Variants in PAX6 observed in about 807,000 individuals in gnomAD.
PAX6 encodes paired box 6, also known as paired box protein Pax-6.
In PAX6, 7 loss-of-function variants were observed where a neutral mutation model predicts 60.7. The ratio of observed to expected loss-of-function variants is 0.12; its 90% CI spans 0.07 to 0.22. PAX6 has a LOEUF of 0.22. PAX6 is among the 10% of genes least tolerant of loss of function. The pLI, the probability that PAX6 is intolerant of heterozygous loss-of-function variation, is 1.00. For missense variants in PAX6, 355 were observed against 555.2 expected (o/e 0.64, Z 3.62); for synonymous variants, 208 against 201.2 (o/e 1.03, Z -0.29).
chr11:31,815,509 G>A (rs1418664045), upstream of PAX6, among the ~76,000 whole-genome samples: 2 of 152,284 alleles, frequency 1.3e-5, no homozygotes, highest in South Asian at 2.1e-4. Flanking sequence ...GCTTTACTGG[G>A]GGATTTGAGG....
At chr11:31,797,538 G>A (rs1951984747) in intron 8 of PAX6, among the ~76,000 whole-genome samples, 1 of 145,596 alleles carries the variant, frequency 6.9e-6, no homozygotes, top group Non-Finnish European at 1.5e-5. Flanking sequence ...AAGATGGGAA[G>A]CGGGGATTGG....
chr11:31,793,370 G>T (rs767105283), intron 12 of PAX6, 68 bp downstream of exon 12: 2 of 1,342,016 alleles, frequency 1.5e-6, no homozygotes, highest in Non-Finnish European at 2.1e-6. Flanking sequence ...AATGAGGTCC[G>T]CAGGCCCTGA....
upstream of PAX6, chr11:31,816,159 C>G (rs1025804841): frequency 6.3e-6 from 1 of 159,480 alleles, no homozygotes; most frequent in Non-Finnish European, 1.4e-5. Context: ...GCGAGAGTGA[C>G]TGTCCTTCCG....
At chr11:31,815,528 G>C (rs551316039), upstream of PAX6, among the ~76,000 whole-genome samples, 9 of 152,132 alleles carry the variant, frequency 5.9e-5, no homozygotes, top group Non-Finnish European at 1.2e-4. Flanking sequence ...GGCTGGGGAG[G>C]GGGAGGGAGC....
chr11:31,793,309 G>T, intron 12 of PAX6, 129 bp downstream of exon 12: 1 of 788,618 alleles, frequency 1.3e-6, no homozygotes, highest in Non-Finnish European at 2.3e-6. Context: ...GACTTGACTG[G>T]TCAAGCCAAT....
At position 31,798,186 on chromosome 11, in the gene PAX6, G is replaced by T. The variant is rs1407050073; in HGVS notation, c.565+2505C>A. 4.7e-5 allele frequency among the ~76,000 whole-genome samples: 7 copies of T among 148,890 alleles called. 1 individual carries two copies. The Admixed American group carries it at 4.7e-4, about 10-fold the overall frequency. ...AGAGGCTGACTAAATCCTATAGAGG[G>T]CTTGGGTATTATGGGGGGTGGGGGT... On this transcript the variant is annotated intron_variant, in intron 8 of 13. Transcript: ENST00000640368.
intron 8 of PAX6, among the ~76,000 whole-genome samples, chr11:31,797,983 T>TGAGAGAGAGAGAGA (rs10694272): frequency 1.1e-4 from 17 of 148,302 alleles, no homozygotes; most frequent in Admixed American, 8.1e-4. Context: ...TGGAAGGAGG[T>TGAGAGAGAGAGAGA]GAGAGAGAGA....
intron 8 of PAX6, among the ~76,000 whole-genome samples, chr11:31,799,532 CT>C (rs1258798498): frequency 2.6e-5 from 4 of 152,220 alleles, no homozygotes; most frequent in African/African-American, 9.6e-5. Flanking sequence ...TTCATGTCGC[CT>C]TAATGAGAAA....
intron 4 of PAX6, 102 bp from the exon 5 acceptor site, chr11:31,802,936 G>A (rs1401870070): frequency 1.7e-6 from 2 of 1,144,208 alleles, no homozygotes; most frequent in South Asian, 2.6e-5. Flanking sequence ...GGGAGAACAA[G>A]AACAGAAAGG....
intron 3 of PAX6, 158 bp downstream of exon 3, chr11:31,806,691 C>T: frequency 2.0e-6 from 1 of 508,876 alleles, no homozygotes; most frequent in Non-Finnish European, 3.5e-6. Flanking sequence ...AATCTGTTTC[C>T]CCTACATTCT....
At chr11:31,790,364 G>A (rs1226634404) in intron 13 of PAX6, 2 of 966,992 alleles carry the variant, frequency 2.1e-6, no homozygotes, top group African/African-American at 1.7e-5. Flanking sequence ...AGGTCTAGAG[G>A]AGCTATGAGG....
rs759234423 is a variant in PAX6, at chr11:31,789,848, T to C, written c.*86A>G. On this transcript the variant is annotated 3_prime_UTR_variant, in exon 14 of 14. Coordinates refer to ENST00000640368, the MANE Select transcript of PAX6 (RefSeq NM_001368894.2). ...GGCTCTAACAGCCATTTTTCTTTCT[T>C]TCCTGAAAGCTCAACTGTTGTGTCC... The C allele has an allele frequency of 5.5e-6, 7 of 1,267,080 alleles. No homozygotes were observed. Among genetic ancestry groups the C allele is most frequent in the Non-Finnish European group, 7.9e-6 (7 of 886,818 alleles). 78.5% of individuals were successfully genotyped at this position (1,267,080 alleles called of 1,614,324 possible). A position where few individuals can be genotyped will look rare whatever the true frequency, so the allele number is the denominator to read the frequency against.
chr11:31,807,357 A>C (rs1956069638), intron 2 of PAX6: 1 of 152,494 alleles, frequency 6.6e-6, no homozygotes, highest in African/African-American at 2.4e-5. Context: ...AGGCTGGAGC[A>C]GTTTGGGAGG....
At chr11:31,807,919 A>AG (rs1956224016) in intron 2 of PAX6, 1 of 152,120 alleles carries the variant, frequency 6.6e-6, no homozygotes. Flanking sequence ...GAAAAAAAAA[A>AG]AAAGTCTTTT....
chr11:31,798,198 T>C (rs1220207470), intron 8 of PAX6, among the ~76,000 whole-genome samples: 1 of 12,300 alleles, frequency 8.1e-5, no homozygotes, highest in African/African-American at 3.3e-4. Flanking sequence ...TTGGGTATTA[T>C]GGGGGGTGGG....
upstream of PAX6, chr11:31,814,499 C>G (rs528667662): frequency 6.6e-6 from 1 of 152,342 alleles, no homozygotes; most frequent in East Asian, 1.9e-4. Flanking sequence ...CTCTCTTTCC[C>G]CGGTCAAGCA....
intron 12 of PAX6, chr11:31,792,332 C>A (rs1376737781): frequency 6.6e-6 from 1 of 152,214 alleles, no homozygotes; most frequent in Non-Finnish European, 1.5e-5. Context: ...CTATGGCCAA[C>A]AATATCCAGA....
Position 31,793,448 on chromosome 11 carries a change from A to T in PAX6, c.1064T>A (p.Leu355Gln), listed in dbSNP as rs1285134091. ...PMPSFTMANN[L>Q]PMQPPVPSQT... ...ACCAGCCGCACTTACTTGCATAGGC[A>T]GGTTATTTGCCATGGTGAAGCTGGG... is the stretch of plus-strand genomic sequence containing the variant. The change falls in exon 12 of 14, where the codon CTG (leucine) becomes CAG (glutamine). Residue 355 changes from leucine (L) to glutamine (Q), a missense_variant. Leu to Gln is a moderately radical substitution (Grantham distance 113, BLOSUM62 -2). Transcript: ENST00000640368. The T allele has an allele frequency of 6.2e-7, 1 of 1,613,976 alleles. No individual in the cohort carries two copies. The highest frequency in any genetic ancestry group is 8.5e-7 in the Non-Finnish European group (1 of 1,179,924).
intron 8 of PAX6, among the ~76,000 whole-genome samples, chr11:31,799,120 G>A (rs1952684771): frequency 6.6e-6 from 1 of 152,244 alleles, no homozygotes; most frequent in South Asian, 2.1e-4. Context: ...CGAAGTTCGG[G>A]TGTCACTTGG....
Sources: gnomAD v4.1 joint callset for allele counts (sites outside exome capture counted in the v4.1 genomes callset) on GRCh38, gnomAD v4.1.1 for gene constraint, MANE v1.5 for transcripts, NCBI Gene and HGNC (gene_info 2026-07-23, HGNC 2026-07-21) for gene names.